PPM1E: variants seen among roughly 807,000 people sequenced by gnomAD.
The protein encoded by PPM1E is protein phosphatase, Mg2+/Mn2+ dependent 1E, also known as protein phosphatase 1E.
PPM1E carries 20 observed loss-of-function variants against 65.9 expected under a neutral mutation model. That is an observed-to-expected ratio of 0.30 (90% confidence interval 0.21 to 0.44). The LOEUF (loss-of-function observed/expected upper bound fraction) is 0.44, where lower values mean the gene tolerates loss of function less well. Among genes scored for constraint, PPM1E ranks in the 20% least tolerant of loss-of-function variants. The pLI is 1.00. For synonymous variants in PPM1E, 352 were observed against 374.9 expected (o/e 0.94, Z 0.70); for missense variants, 713 against 953.1 (o/e 0.75, Z 3.32).
intron 1 of PPM1E, among the ~76,000 whole-genome samples, chr17:58,810,836 GC>G (rs749871467): frequency 5.5e-4 from 83 of 152,028 alleles, no homozygotes; most frequent in Non-Finnish European, 1.0e-3. Flanking sequence ...AATTGTTATG[GC>G]CCACTATATG....
At chr17:58,826,530 A>G (rs985342761) in intron 1 of PPM1E, among the ~76,000 whole-genome samples, 1 of 152,214 alleles carries the variant, frequency 6.6e-6, no homozygotes, top group African/African-American at 2.4e-5. Flanking sequence ...CAAATTATAC[A>G]ATAAAATTGT....
rs559073039 is a variant in PPM1E, at chr17:58,799,925, T to C, written c.464+43464T>C. Among the ~76,000 whole-genome samples the C allele has an allele frequency of 2.6e-5, 4 of 152,352 alleles. No individual in the cohort carries two copies. In the South Asian group the frequency reaches 6.2e-4, roughly 24 times the overall value. On this transcript the variant is annotated intron_variant, in intron 1 of 6. Transcript: ENST00000308249. ...AGGTAATGTAAATTATCCAACCTTG[T>C]TTCTCCAAATTGCTTGGATTTTATA... is the stretch of plus-strand genomic sequence containing the variant.
intron 1 of PPM1E, among the ~76,000 whole-genome samples, chr17:58,952,762 C>T (rs1173492290): frequency 6.6e-6 from 1 of 152,156 alleles, no homozygotes; most frequent in Non-Finnish European, 1.5e-5. Flanking sequence ...CAACCTCCAC[C>T]TCCTGGATTC....
chr17:58,860,433 C>G (rs1756612897), intron 1 of PPM1E, among the ~76,000 whole-genome samples: 1 of 152,136 alleles, frequency 6.6e-6, no homozygotes, highest in Admixed American at 6.6e-5. Flanking sequence ...TCCCTTATTT[C>G]TAATGGCAAA....
intron 1 of PPM1E, among the ~76,000 whole-genome samples, chr17:58,923,662 G>A (rs528025241): frequency 3.5e-4 from 53 of 150,016 alleles, no homozygotes; most frequent in African/African-American, 7.8e-4. Flanking sequence ...CAGGAGAATC[G>A]CTTGAACCTG....
intron 1 of PPM1E, among the ~76,000 whole-genome samples, chr17:58,771,934 C>A (rs572981651): frequency 3.9e-5 from 6 of 152,238 alleles, no homozygotes; most frequent in Non-Finnish European, 1.5e-5. Flanking sequence ...CCAGCAAGTA[C>A]AATACAATGT....
At chr17:58,866,004 G>A (rs1011590700) in intron 1 of PPM1E, among the ~76,000 whole-genome samples, 4 of 152,208 alleles carry the variant, frequency 2.6e-5, no homozygotes, top group African/African-American at 9.6e-5. Context: ...TAAACTTTAA[G>A]CCAGTGTCTT....
chr17:58,805,995 C>CAAAAAA (rs2050309804), intron 1 of PPM1E, among the ~76,000 whole-genome samples: 6 of 70,682 alleles, frequency 8.5e-5, no homozygotes, highest in African/African-American at 3.8e-4. Context: ...CAAAACAAAA[C>CAAAAAA]AAAACAAAAA....
intron 1 of PPM1E, among the ~76,000 whole-genome samples, chr17:58,762,630 G>T (rs1031200930): frequency 1.3e-5 from 2 of 152,138 alleles, no homozygotes; most frequent in Non-Finnish European, 2.9e-5. Flanking sequence ...GGGCGCGGTG[G>T]CTCACGCCTG....
intron 1 of PPM1E, among the ~76,000 whole-genome samples, chr17:58,778,402 C>CTTTT (rs59155396): frequency 4.6e-5 from 4 of 86,068 alleles, no homozygotes; most frequent in East Asian, 2.8e-4. Context: ...GGCTGGCCAT[C>CTTTT]TTTTTTTTTT....
chr17:58,831,747 G>A (rs888893000), intron 1 of PPM1E, among the ~76,000 whole-genome samples: 2 of 151,982 alleles, frequency 1.3e-5, no homozygotes, highest in Non-Finnish European at 2.9e-5. Context: ...TCTCTGTTCT[G>A]GTATGTTAAG....
At chr17:58,936,550 G>T (rs527570503) in intron 1 of PPM1E, among the ~76,000 whole-genome samples, 19 of 152,274 alleles carry the variant, frequency 1.2e-4, no homozygotes, top group Middle Eastern at 3.4e-3. Flanking sequence ...CGCCCACATT[G>T]CCAATGTCAG....
chr17:58,871,345 A>G (rs1326431734), intron 1 of PPM1E, among the ~76,000 whole-genome samples: 1 of 152,034 alleles, frequency 6.6e-6, no homozygotes, highest in African/African-American at 2.4e-5. Context: ...CTGGCTCTGT[A>G]TGCTCTTCTT....
chr17:58,860,000 T>A (rs1054072590), intron 1 of PPM1E, among the ~76,000 whole-genome samples: 1 of 152,206 alleles, frequency 6.6e-6, no homozygotes, highest in Non-Finnish European at 1.5e-5. Context: ...AATACAGCTT[T>A]TCTCATAGGA....
At chr17:58,812,303 CAAAAA>C (rs35132799) in intron 1 of PPM1E, among the ~76,000 whole-genome samples, 59 of 49,780 alleles carry the variant, frequency 1.2e-3, no homozygotes, top group Non-Finnish European at 1.9e-3. Context: ...GACTCTGTTT[CAAAAA>C]AAAAAAAAAA....
intron 1 of PPM1E, among the ~76,000 whole-genome samples, chr17:58,779,036 A>G (rs2050026152): frequency 2.7e-5 from 4 of 149,492 alleles, no homozygotes; most frequent in South Asian, 4.2e-4. Flanking sequence ...CGTTCCTTGA[A>G]AACATAATGT....
intron 1 of PPM1E, among the ~76,000 whole-genome samples, chr17:58,791,382 A>G (rs976928099): frequency 2.6e-5 from 4 of 152,168 alleles, no homozygotes; most frequent in Non-Finnish European, 5.9e-5. Context: ...CAATTGTTTA[A>G]TAATGTTTTG....
intron 1 of PPM1E, among the ~76,000 whole-genome samples, chr17:58,859,983 G>T (rs1164215614): frequency 3.3e-5 from 5 of 152,158 alleles, no homozygotes. Flanking sequence ...AAGCCATATG[G>T]TTCTGCAATA....
intron 1 of PPM1E, among the ~76,000 whole-genome samples, chr17:58,821,402 G>T (rs1415230857): frequency 6.6e-6 from 1 of 152,118 alleles, no homozygotes; most frequent in Non-Finnish European, 1.5e-5. Flanking sequence ...GAGCCACCGC[G>T]CCCGGCCAGC....
Sources: gnomAD v4.1 joint callset for allele counts (sites outside exome capture counted in the v4.1 genomes callset) on GRCh38, gnomAD v4.1.1 for gene constraint, MANE v1.5 for transcripts, NCBI Gene and HGNC (gene_info 2026-07-23, HGNC 2026-07-21) for gene names.